Variants in WWOX observed in about 807,000 individuals in gnomAD.
WWOX encodes the protein WW domain containing oxidoreductase.
Under a neutral mutation model 46.2 loss-of-function variants are expected in WWOX, and 69 were observed. The observed-to-expected ratio is 1.49, with a 90% CI of 1.23 to 1.82. The LOEUF is 1.82. Ranked by LOEUF, WWOX falls within the 40% of genes most tolerant of loss-of-function variation. The pLI, the probability that WWOX is intolerant of heterozygous loss-of-function variation, is 0.00. For synonymous variants in WWOX, 359 were observed against 202.6 expected (o/e 1.77, Z -6.56); for missense variants, 919 against 542.6 (o/e 1.69, Z -6.89).
intron 8 of WWOX, among the ~76,000 whole-genome samples, chr16:78,489,074 C>G (rs2084713113): frequency 6.6e-6 from 1 of 152,188 alleles, no homozygotes; most frequent in Admixed American, 6.5e-5. Context: ...TATCTGCTTA[C>G]CTTTCTAGCT....
chr16:78,879,059 A>G (rs1251421489), intron 8 of WWOX, among the ~76,000 whole-genome samples: 1 of 151,992 alleles, frequency 6.6e-6, no homozygotes, highest in Admixed American at 6.6e-5. Flanking sequence ...GAAGGAAGGG[A>G]GGAAAGGAGG....
intron 8 of WWOX, among the ~76,000 whole-genome samples, chr16:78,719,502 C>G (rs1335299818): frequency 6.6e-6 from 1 of 152,184 alleles, no homozygotes; most frequent in Non-Finnish European, 1.5e-5. Context: ...GGAGGAGTGT[C>G]TAGATGAAAT....
rs112488383 is a variant in WWOX at position 78,378,893 on chromosome 16, AGAT to A, written c.517-7962_517-7960del. Among the ~76,000 whole-genome samples the A allele has an allele frequency of 5.9e-5, 9 of 152,336 alleles. 1 individual carries two copies. The highest frequency in any genetic ancestry group is 1.9e-4 in the African/African-American group (8 of 41,572). On this transcript the variant is annotated intron_variant, in intron 5 of 8. Coordinates refer to ENST00000566780, the MANE Select transcript of WWOX (RefSeq NM_016373.4). ...AAAACAGACACAAATAAGAATATAT[AGAT>A]GATGTTAATTTCTTCAGAGCTTCCC...
At chr16:78,959,262 C>A (rs2046227851) in intron 8 of WWOX, among the ~76,000 whole-genome samples, 1 of 152,138 alleles carries the variant, frequency 6.6e-6, no homozygotes, top group African/African-American at 2.4e-5. Context: ...GAAATAAGGG[C>A]ATTGAACTTA....
chr16:79,186,648 C>T (rs904077308), intron 8 of WWOX, among the ~76,000 whole-genome samples: 5 of 152,160 alleles, frequency 3.3e-5, no homozygotes, highest in African/African-American at 9.6e-5. Flanking sequence ...ATATATTCTT[C>T]GGGACATGAT....
chr16:79,205,243 T>A (rs1256996015), intron 8 of WWOX: 1 of 152,226 alleles, frequency 6.6e-6, no homozygotes, highest in Non-Finnish European at 1.5e-5. Flanking sequence ...TTTATGGTGA[T>A]GGACTGGCAC....
chr16:78,979,409 G>A (rs908335319), intron 8 of WWOX, among the ~76,000 whole-genome samples: 2 of 152,284 alleles, frequency 1.3e-5, no homozygotes, highest in Non-Finnish European at 2.9e-5. Flanking sequence ...GAAGAGAGAA[G>A]TTTATGTCTG....
chr16:78,629,483 G>T (rs1403262670), intron 8 of WWOX, among the ~76,000 whole-genome samples: 1 of 152,138 alleles, frequency 6.6e-6, no homozygotes, highest in Non-Finnish European at 1.5e-5. Context: ...ATCTGATCTT[G>T]CCACCACCCT....
At chr16:78,655,268 A>T (rs1170980923) in intron 8 of WWOX, among the ~76,000 whole-genome samples, 3 of 152,086 alleles carry the variant, frequency 2.0e-5, no homozygotes, top group African/African-American at 4.8e-5. Context: ...GGGCGTGGGC[A>T]CTAATTTGAT....
intron 5 of WWOX, among the ~76,000 whole-genome samples, chr16:78,236,642 A>G (rs2037447682): frequency 6.6e-6 from 1 of 152,196 alleles, no homozygotes; most frequent in South Asian, 2.1e-4. Flanking sequence ...CTCAAGCAGG[A>G]TAAGACACTA....
At chr16:78,419,985 T>C (rs1016577466) in intron 6 of WWOX, among the ~76,000 whole-genome samples, 1 of 152,026 alleles carries the variant, frequency 6.6e-6, no homozygotes, top group Non-Finnish European at 1.5e-5. Flanking sequence ...AAATAGATAT[T>C]CCTCCAAATA....
intron 5 of WWOX, among the ~76,000 whole-genome samples, chr16:78,234,018 T>A (rs1460335225): frequency 6.6e-6 from 1 of 152,192 alleles, no homozygotes; most frequent in Non-Finnish European, 1.5e-5. Flanking sequence ...CCTAACATTC[T>A]AAGCCTGGGA....
At chr16:78,603,609 G>A (rs567623317) in intron 8 of WWOX, among the ~76,000 whole-genome samples, 10 of 152,128 alleles carry the variant, frequency 6.6e-5, no homozygotes, top group African/African-American at 1.7e-4. Flanking sequence ...CAGGAGAATC[G>A]CTTGAACCCA....
At chr16:78,387,821 T>C (rs2082092335) in intron 6 of WWOX, among the ~76,000 whole-genome samples, 1 of 152,048 alleles carries the variant, frequency 6.6e-6, no homozygotes, top group Admixed American at 6.6e-5. Flanking sequence ...GAGGATTAAG[T>C]TAATAATAGC....
At chr16:79,019,951 C>A (rs1466104767) in intron 8 of WWOX, among the ~76,000 whole-genome samples, 1 of 152,190 alleles carries the variant, frequency 6.6e-6, no homozygotes, top group Non-Finnish European at 1.5e-5. Flanking sequence ...ATACCAAGCA[C>A]ACAGCCGTGA....
intron 8 of WWOX, among the ~76,000 whole-genome samples, chr16:79,050,144 G>C (rs1048790956): frequency 1.3e-5 from 2 of 152,142 alleles, no homozygotes; most frequent in African/African-American, 4.8e-5. Context: ...ACGGCAATCA[G>C]TATTTACTTC....
chr16:78,699,144 A>C (rs1277165287), intron 8 of WWOX, among the ~76,000 whole-genome samples: 2 of 152,198 alleles, frequency 1.3e-5, no homozygotes, highest in African/African-American at 4.8e-5. Context: ...TGTTCCAGTA[A>C]AACTTTATTT....
intron 5 of WWOX, among the ~76,000 whole-genome samples, chr16:78,172,015 T>C (rs912502410): frequency 6.6e-6 from 1 of 152,166 alleles, no homozygotes; most frequent in Non-Finnish European, 1.5e-5. Flanking sequence ...TGAGGCAGTT[T>C]AGAGGCTGGA....
chr16:78,870,690 C>T (rs1186570776), intron 8 of WWOX, among the ~76,000 whole-genome samples: 1 of 152,196 alleles, frequency 6.6e-6, no homozygotes, highest in African/African-American at 2.4e-5. Context: ...CAACCTCTGC[C>T]TCCTGGGTTC....
Sources: allele counts gnomAD v4.1 joint callset (sites outside exome capture counted in the v4.1 genomes callset), GRCh38; gene constraint gnomAD v4.1.1; transcripts MANE v1.5; gene names NCBI Gene and HGNC (gene_info 2026-07-23, HGNC 2026-07-21).